Variants in ST6GALNAC3 observed in about 807,000 individuals in gnomAD.
The protein encoded by ST6GALNAC3 is ST6 N-acetylgalactosaminide alpha-2,6-sialyltransferase 3, also known as alpha-N-acetylgalactosaminide alpha-2,6-sialyltransferase 3.
Under a neutral mutation model 32.7 loss-of-function variants are expected in ST6GALNAC3, and 25 were observed. The observed-to-expected ratio is 0.76, with a 90% confidence interval of 0.56 to 1.07. The LOEUF is 1.07. Among genes scored for constraint, ST6GALNAC3 ranks in the 50% least tolerant of loss-of-function variants. The probability of loss-of-function intolerance (pLI) is 0.00; values close to 1 mark genes in which losing one functional copy is unlikely to be tolerated. For synonymous variants in ST6GALNAC3, 129 were observed against 133.1 expected, an observed-to-expected ratio of 0.97 and a Z score of 0.21; for missense variants, 355 against 382.4, an observed-to-expected ratio of 0.93 and a Z score of 0.60.
intron 1 of ST6GALNAC3, among the ~76,000 whole-genome samples, chr1:76,145,441 G>C (rs777305645): frequency 4.6e-5 from 7 of 152,160 alleles, no homozygotes; most frequent in Non-Finnish European, 7.3e-5. Flanking sequence ...GACACGTGGA[G>C]TCTCAGACTC....
chr1:76,456,927 A>G (rs1294800627), intron 3 of ST6GALNAC3, among the ~76,000 whole-genome samples: 3 of 152,212 alleles, frequency 2.0e-5, no homozygotes, highest in Non-Finnish European at 2.9e-5. Flanking sequence ...CTGTTTGCAG[A>G]CAACATGACT....
chr1:76,444,227 G>A (rs4304640), intron 3 of ST6GALNAC3, among the ~76,000 whole-genome samples: 2,680 of 152,296 alleles, frequency 0.018, 96 homozygotes, highest in African/African-American at 0.062. Context: ...AAACTATAGA[G>A]CCTCAGAGTT....
rs566426935 is a variant in ST6GALNAC3 at position 76,197,483 on chromosome 1, G to T, written c.19-116322G>T. Among the ~76,000 whole-genome samples the T allele has an allele frequency of 2.4e-4, 36 of 151,804 alleles. 1 individual carries two copies. The South Asian group carries it at 6.7e-3, about 28-fold the overall frequency. On this transcript the variant is annotated intron_variant, in intron 1 of 4. Transcript: ENST00000328299. ...GGGCTGAAGGGGGGATCTAATCCAT[G>T]GGGGGCAGGGAAGGCTTTCTAGGGT...
chr1:76,364,333 G>A (rs1370006476), intron 2 of ST6GALNAC3, among the ~76,000 whole-genome samples: 1 of 152,160 alleles, frequency 6.6e-6, no homozygotes, highest in Non-Finnish European at 1.5e-5. Flanking sequence ...TGGATCACCT[G>A]AAGTCAGGAG....
chr1:76,535,869 T>G (rs1399753124), intron 3 of ST6GALNAC3, among the ~76,000 whole-genome samples: 1 of 152,146 alleles, frequency 6.6e-6, no homozygotes, highest in South Asian at 2.1e-4. Flanking sequence ...GAAAAAATCA[T>G]TAAATGGTAT....
At chr1:76,580,867 T>G (rs1015394245) in intron 3 of ST6GALNAC3, among the ~76,000 whole-genome samples, 3 of 151,942 alleles carry the variant, frequency 2.0e-5, no homozygotes, top group Non-Finnish European at 2.9e-5. Flanking sequence ...AATAGGAAAC[T>G]GTCCCTTGAA....
At chr1:76,191,090 C>T (rs1178386959) in intron 1 of ST6GALNAC3, among the ~76,000 whole-genome samples, 2 of 152,046 alleles carry the variant, frequency 1.3e-5, no homozygotes. Context: ...ATGGGGAATA[C>T]CTTTTTAGGA....
chr1:76,576,635 TTG>T (rs1646813049), intron 3 of ST6GALNAC3, among the ~76,000 whole-genome samples: 1 of 152,036 alleles, frequency 6.6e-6, no homozygotes, highest in South Asian at 2.1e-4. Context: ...AGAGCCTGTC[TTG>T]TAGACTTAGT....
intron 2 of ST6GALNAC3, among the ~76,000 whole-genome samples, chr1:76,399,545 T>C (rs1653242596): frequency 6.6e-6 from 1 of 152,220 alleles, no homozygotes. Context: ...TCAAGGGCAT[T>C]AGCTTTCTTG....
At chr1:76,379,325 A>G (rs1651519101) in intron 2 of ST6GALNAC3, among the ~76,000 whole-genome samples, 2 of 152,056 alleles carry the variant, frequency 1.3e-5, no homozygotes, top group African/African-American at 4.8e-5. Flanking sequence ...TCTTGCCAAT[A>G]TCCCTAACCC....
At chr1:76,554,818 A>G (rs1045334272) in intron 3 of ST6GALNAC3, among the ~76,000 whole-genome samples, 3 of 152,212 alleles carry the variant, frequency 2.0e-5, no homozygotes, top group Non-Finnish European at 4.4e-5. Context: ...TCTAATGACT[A>G]TAATGACAAA....
At chr1:76,482,871 C>A (rs1422683952) in intron 3 of ST6GALNAC3, among the ~76,000 whole-genome samples, 2 of 128,060 alleles carry the variant, frequency 1.6e-5, no homozygotes, top group Admixed American at 8.3e-5. Flanking sequence ...GCTATCCCTC[C>A]CCCCTCCCCC....
Position 76,116,700 on chromosome 1 carries a change from G to A in ST6GALNAC3, c.18+41816G>A, listed in dbSNP as rs150462067. Among the ~76,000 whole-genome samples the A allele has an allele frequency of 1.4e-4, 22 of 152,248 alleles. No individual in the cohort carries two copies. In the East Asian group the frequency reaches 4.3e-3, roughly 30 times the overall value. On this transcript the variant is annotated intron_variant, in intron 1 of 4. Coordinates refer to ENST00000328299, the MANE Select transcript of ST6GALNAC3 (RefSeq NM_152996.4). ...AATCCCAGAACTTTGGGAGGCCAAG[G>A]TGGGAGGATTACATGAGACCAGGAA...
At chr1:76,227,592 T>A (rs1273753166) in intron 1 of ST6GALNAC3, among the ~76,000 whole-genome samples, 2 of 152,232 alleles carry the variant, frequency 1.3e-5, no homozygotes, top group African/African-American at 4.8e-5. Flanking sequence ...TGCAAATGTG[T>A]TATTGTGTCA....
intron 3 of ST6GALNAC3, among the ~76,000 whole-genome samples, chr1:76,422,727 C>A (rs77955855): frequency 0.026 from 3,888 of 152,044 alleles, 74 homozygotes; most frequent in Middle Eastern, 0.045. Flanking sequence ...CAAGAACTAC[C>A]GTGATAAAGA....
intron 2 of ST6GALNAC3, among the ~76,000 whole-genome samples, chr1:76,371,109 G>T (rs531488883): frequency 6.6e-6 from 1 of 152,078 alleles, no homozygotes; most frequent in Non-Finnish European, 1.5e-5. Context: ...GACAATAAAT[G>T]ATAATAAATG....
intron 3 of ST6GALNAC3, among the ~76,000 whole-genome samples, chr1:76,583,254 C>T (rs898085829): frequency 6.6e-6 from 1 of 152,086 alleles, no homozygotes; most frequent in Non-Finnish European, 1.5e-5. Context: ...TTCTTTCTGC[C>T]CTATATTTTT....
At chr1:76,468,297 C>T (rs980306001) in intron 3 of ST6GALNAC3, among the ~76,000 whole-genome samples, 2 of 151,944 alleles carry the variant, frequency 1.3e-5, no homozygotes, top group African/African-American at 4.8e-5. Flanking sequence ...ACAAACATTT[C>T]CTCTAAATAC....
chr1:76,436,891 A>C (rs1656184543), intron 3 of ST6GALNAC3, among the ~76,000 whole-genome samples: 1 of 152,132 alleles, frequency 6.6e-6, no homozygotes, highest in Admixed American at 6.5e-5. Flanking sequence ...TGACATAACT[A>C]TAATGTCATC....
Sources: gnomAD v4.1 joint callset for allele counts (sites outside exome capture counted in the v4.1 genomes callset) on GRCh38, gnomAD v4.1.1 for gene constraint, MANE v1.5 for transcripts, NCBI Gene and HGNC (gene_info 2026-07-23, HGNC 2026-07-21) for gene names.